Variants in BOC observed in about 807,000 individuals in gnomAD.
The protein encoded by BOC is BOC cell adhesion associated, oncogene regulated, also known as brother of CDO.
A neutral mutation model predicts 112.0 loss-of-function variants in BOC; 76 were observed. The ratio of observed to expected loss-of-function variants is 0.68; its 90% CI spans 0.56 to 0.82. BOC has a LOEUF of 0.82. BOC is among the 40% of genes least tolerant of loss of function. The probability of loss-of-function intolerance (pLI) is 0.00; values close to 1 mark genes in which losing one functional copy is unlikely to be tolerated. For missense variants in BOC, 1,309 were observed against 1,511.7 expected (o/e 0.87, Z 2.22); for synonymous variants, 580 against 599.8 (o/e 0.97, Z 0.48).
intron 2 of BOC, among the ~76,000 whole-genome samples, chr3:113,236,201 GGT>G (rs1943415252): frequency 9.2e-6 from 1 of 108,674 alleles, no homozygotes; most frequent in African/African-American, 3.2e-5. Context: ...AAGAAAATAT[GGT>G]ATATATATAC....
intron 16 of BOC, 59 bp downstream of exon 16, chr3:113,283,691 G>A (rs1307112960): frequency 1.3e-6 from 2 of 1,502,944 alleles, no homozygotes; most frequent in Non-Finnish European, 9.2e-7. Flanking sequence ...GCTCCACTAA[G>A]GAGGCCTCTG....
intron 12 of BOC, 108 bp downstream of exon 12, chr3:113,279,563 C>T (rs1390023296): frequency 2.7e-6 from 3 of 1,099,840 alleles, no homozygotes; most frequent in Admixed American, 2.3e-5. Flanking sequence ...CAGGCCCCCA[C>T]CCACCAGCAT....
At chr3:113,234,209 C>G (rs957638485) in intron 2 of BOC, among the ~76,000 whole-genome samples, 8 of 152,138 alleles carry the variant, frequency 5.3e-5, no homozygotes, top group Non-Finnish European at 8.8e-5. Flanking sequence ...GGGCTTTTTC[C>G]TGCCTTAACT....
rs1938807813 is a variant in BOC, at chr3:113,214,058, C to T, written c.-170+2042C>T. 3.9e-5 allele frequency among the ~76,000 whole-genome samples: 6 copies of T among 152,194 alleles called. No individual in the cohort carries two copies. The South Asian group carries it at 1.2e-3, about 32-fold the overall frequency. ...TTCGCTAGGGAGCAGTTGTCCCCCACGCCATAGGCCACTGGCTTTACTTGG... is the reference window on the plus strand; with the variant it reads ...TTCGCTAGGGAGCAGTTGTCCCCCATGCCATAGGCCACTGGCTTTACTTGG... On this transcript the variant is annotated intron_variant, in intron 1 of 19. Transcript: ENST00000682979.
chr3:113,269,743 A>G (rs899233206), intron 5 of BOC: 1 of 152,216 alleles, frequency 6.6e-6, no homozygotes, highest in Non-Finnish European at 1.5e-5. Context: ...TGTCCCCAGC[A>G]GAAGGTTGGC....
chr3:113,277,145 C>T (rs999310862), intron 9 of BOC, among the ~76,000 whole-genome samples: 5 of 152,082 alleles, frequency 3.3e-5, no homozygotes, highest in Non-Finnish European at 5.9e-5. Context: ...AAGGCAGGAG[C>T]GGAAACAAAG....
intron 2 of BOC, among the ~76,000 whole-genome samples, chr3:113,221,017 G>C (rs962559912): frequency 6.6e-6 from 1 of 152,182 alleles, no homozygotes; most frequent in Non-Finnish European, 1.5e-5. Flanking sequence ...CCAAGTTTGA[G>C]ATTGTGCAGC....
At chr3:113,220,620 G>A (rs906776410) in intron 2 of BOC, among the ~76,000 whole-genome samples, 2 of 152,186 alleles carry the variant, frequency 1.3e-5, no homozygotes, top group Non-Finnish European at 2.9e-5. Context: ...GAACTGGCCA[G>A]AGGTTAGAGT....
intron 2 of BOC, among the ~76,000 whole-genome samples, chr3:113,227,869 G>T (rs1027673361): frequency 7.4e-5 from 11 of 148,158 alleles, no homozygotes; most frequent in African/African-American, 1.2e-4. Flanking sequence ...AAGTGTTTGG[G>T]TTTTTTTTTT....
At chr3:113,242,122 C>CAA (rs796226387) in intron 2 of BOC, among the ~76,000 whole-genome samples, 4 of 119,636 alleles carry the variant, frequency 3.3e-5, no homozygotes, top group African/African-American at 9.2e-5. Flanking sequence ...CCTCCAAAAA[C>CAA]AAAAAAAAAA....
chr3:113,235,104 G>A (rs1209762812), intron 2 of BOC, among the ~76,000 whole-genome samples: 1 of 152,210 alleles, frequency 6.6e-6, no homozygotes, highest in Admixed American at 6.5e-5. Flanking sequence ...TTTAAGTGCT[G>A]TTCAGGTCCT....
chr3:113,272,111 C>G (rs1948183500), intron 6 of BOC: 1 of 475,684 alleles, frequency 2.1e-6, no homozygotes, highest in South Asian at 2.9e-5. Flanking sequence ...TCTACACTCC[C>G]TCACCTTTCT....
Position 113,278,533 on chromosome 3 carries a change from C to T in BOC, c.1706-140C>T. On this transcript the variant is annotated intron_variant, in intron 10 of 19. Transcript: ENST00000682979. This position sits in a 1 kb window ranked among gnomAD's most constrained non-coding sequence, Gnocchi z 4.2. ...AGAACCAGTCTCGGCCGAGGCTGAG[C>T]CCACACCCTCAGTGCCCCGGATGCT... 3.7e-6 allele frequency: 3 copies of T among 812,538 alleles called. No homozygotes were observed. The highest frequency in any genetic ancestry group is 6.0e-6 in the Non-Finnish European group (3 of 503,254). 50.3% of individuals were successfully genotyped at this position (812,538 alleles called of 1,614,324 possible).
At chr3:113,270,612 C>A (rs1948003744) in intron 5 of BOC, 189 bp from the exon 6 acceptor site, 1 of 621,998 alleles carries the variant, frequency 1.6e-6, no homozygotes, top group Non-Finnish European at 2.7e-6. Context: ...GCACTCTGTC[C>A]TGCTTGTTGC....
intron 9 of BOC, among the ~76,000 whole-genome samples, chr3:113,275,087 G>C (rs939210768): frequency 5.9e-5 from 9 of 152,166 alleles, no homozygotes; most frequent in African/African-American, 2.2e-4. Flanking sequence ...AGCCGTGCTG[G>C]GTACATACCT....
chr3:113,267,779 G>A (rs1362825351), intron 4 of BOC, among the ~76,000 whole-genome samples: 3 of 152,152 alleles, frequency 2.0e-5, no homozygotes, highest in East Asian at 1.9e-4. Flanking sequence ...CCAGGCCAGC[G>A]TGCAGTGGCG....
At chr3:113,213,864 C>G (rs1938771394) in intron 1 of BOC, among the ~76,000 whole-genome samples, 1 of 152,146 alleles carries the variant, frequency 6.6e-6, no homozygotes, top group Admixed American at 6.5e-5. Context: ...CCTCATTGGG[C>G]CACTTTGCTG....
chr3:113,220,426 T>C (rs1392730543), intron 2 of BOC, among the ~76,000 whole-genome samples: 4 of 152,166 alleles, frequency 2.6e-5, no homozygotes, highest in Non-Finnish European at 5.9e-5. Flanking sequence ...GGAAATGAGG[T>C]CATGGAAACT....
chr3:113,263,422 T>C (rs1947111534), intron 4 of BOC, among the ~76,000 whole-genome samples: 1 of 152,224 alleles, frequency 6.6e-6, no homozygotes, highest in Admixed American at 6.5e-5. Context: ...ATGGGGATAT[T>C]GGTAACTCCA....
Sources: allele counts gnomAD v4.1 joint callset (sites outside exome capture counted in the v4.1 genomes callset), GRCh38; gene constraint gnomAD v4.1.1; non-coding constraint Gnocchi (gnomAD v3.1); transcripts MANE v1.5; gene names NCBI Gene and HGNC (gene_info 2026-07-23, HGNC 2026-07-21).